The following USHBP1 variants were observed in gnomAD, a reference collection of about 807,000 sequenced individuals.
USHBP1 encodes USH1 protein network component harmonin binding protein 1, also known as harmonin-binding protein USHBP1.
USHBP1 carries 67 observed loss-of-function variants against 76.2 expected under a neutral mutation model. That is an observed-to-expected ratio of 0.88 (90% CI 0.72 to 1.08). The LOEUF (loss-of-function observed/expected upper bound fraction) is 1.08, where lower values mean the gene tolerates loss of function less well. Ranked by LOEUF, USHBP1 falls within the 50% of genes least tolerant of loss-of-function variation. USHBP1 has a pLI of 0.00. For synonymous variants in USHBP1, 322 were observed against 362.2 expected, an observed-to-expected ratio of 0.89 and a Z score of 1.26; for missense variants, 931 against 915.0, an observed-to-expected ratio of 1.02 and a Z score of -0.23.
At position 17,263,991 on chromosome 19, in the gene USHBP1, G is replaced by A; in HGVS notation, c.203+11C>T. 1 of 1,559,614 alleles carries A rather than the reference G, an allele frequency of 6.4e-7. No homozygotes were observed. The highest frequency in any genetic ancestry group is 8.7e-7 in the Non-Finnish European group (1 of 1,153,588). ...GACTGGAGTGAAGGGCACAGACCAAGCGGGTCTTACCTGCTTCCTAGGCCT... is the reference window on the plus strand; with the variant it reads ...GACTGGAGTGAAGGGCACAGACCAAACGGGTCTTACCTGCTTCCTAGGCCT... On this transcript the variant is annotated intron_variant, in intron 3 of 12. Coordinates refer to ENST00000252597, the MANE Select transcript of USHBP1 (RefSeq NM_031941.4).
chr19:17,264,133 C>G lies in USHBP1; in HGVS notation c.72G>C (p.Val24=). 1 of 1,613,790 alleles carries G rather than the reference C, an allele frequency of 6.2e-7. No homozygotes were observed. The highest frequency in any genetic ancestry group is 8.5e-7 in the Non-Finnish European group (1 of 1,179,762). ...RHAPPGELDP[V]AESSEEVEAA... ...CCTCGACCTCCTCTGAACTCTCAGC[C>G]ACGGGATCCAGTTCACCCTGCAAAT... Residue 24 remains valine (V), a synonymous_variant, in exon 3 of 13, where the codon GTG becomes GTC. Coordinates refer to ENST00000252597, the MANE Select transcript of USHBP1 (RefSeq NM_031941.4).
Position 17,255,473 on chromosome 19 carries a change from CG to C in USHBP1, c.1603del (p.Arg535GlyfsTer56). On this transcript the variant is annotated frameshift_variant, in exon 10 of 13. Transcript: ENST00000252597. LOFTEE classifies it high-confidence loss of function. ...TGCCCCACCAGCCTGGAGCTCTGCC[CG>C]TTCCCACCGCAGCTGCTCCAGCAGG... ...VLLLEQLRWE[R>X]AELQAGGANS... 1 of 1,614,052 alleles carries C rather than the reference CG, an allele frequency of 6.2e-7. No individual in the cohort carries two copies. Among genetic ancestry groups the C allele is most frequent in the Non-Finnish European group, 8.5e-7 (1 of 1,179,966 alleles).
In USHBP1 at chr19:17,258,245, A is replaced by G. The variant is rs1247338949; in HGVS notation, c.1187T>C (p.Met396Thr). 3 of 1,613,942 alleles carry G rather than the reference A, an allele frequency of 1.9e-6. No homozygotes were observed. Among genetic ancestry groups the G allele is most frequent in the Admixed American group, 3.3e-5 (2 of 59,990 alleles). Residue 396 changes from methionine to threonine, a missense_variant, in exon 8 of 13, where the codon ATG becomes ACG. Physicochemically the swap from Met to Thr is moderately conservative, Grantham distance 81. Coordinates refer to ENST00000252597, the MANE Select transcript of USHBP1 (RefSeq NM_031941.4). Reference sequence around the variant, plus strand: ...TGGATTCTGCTGTGCTCCTGCATCCATGGCAGCCTCCTCTTGTGCCAGCAG... The same window carrying G: ...TGGATTCTGCTGTGCTCCTGCATCCGTGGCAGCCTCCTCTTGTGCCAGCAG... Reference protein sequence around the residue: ...WRLLAQEEAAMDAGAQQNPQP... With the variant: ...WRLLAQEEAATDAGAQQNPQP...
At position 17,251,448 on chromosome 19, in the gene USHBP1, G is replaced by A; in HGVS notation, c.1922+134C>T. The A allele has an allele frequency of 4.0e-6, 5 of 1,247,166 alleles. No individual in the cohort carries two copies. The South Asian group carries it at 6.6e-5, about 17-fold the overall frequency. The allele number at this position is 1,247,166 out of a possible 1,614,324, so 77.3% of individuals were successfully genotyped here. A position where few individuals can be genotyped will look rare whatever the true frequency, so the allele number is the denominator to read the frequency against. ...CAACATGCTGGGATTACAGGTGTGAGCCACCACACCTGACCGTTACTGCCT... is the reference window on the plus strand; with the variant it reads ...CAACATGCTGGGATTACAGGTGTGAACCACCACACCTGACCGTTACTGCCT... On this transcript the variant is annotated intron_variant, in intron 12 of 12. Coordinates refer to ENST00000252597, the MANE Select transcript of USHBP1 (RefSeq NM_031941.4).
intron 6 of USHBP1, 50 bp from the exon 7 acceptor site, chr19:17,259,479 T>C: frequency 6.2e-7 from 1 of 1,610,764 alleles, no homozygotes; most frequent in Non-Finnish European, 8.5e-7. Flanking sequence ...TCTAAGGCAG[T>C]CAGGCCTCAA....
intron 12 of USHBP1, among the ~76,000 whole-genome samples, chr19:17,251,176 T>C (rs1353505190): frequency 1.3e-5 from 2 of 150,572 alleles, no homozygotes; most frequent in Admixed American, 6.6e-5. Context: ...GTTGTTTTTT[T>C]TTTTTTTTTT....
At chr19:17,251,554 G>C in intron 12 of USHBP1, 28 bp downstream of exon 12, 1 of 1,612,598 alleles carries the variant, frequency 6.2e-7, no homozygotes, top group Non-Finnish European at 8.5e-7. Flanking sequence ...GGTGCCAGGG[G>C]GATTGGGGGG....
At chr19:17,256,881 A>G (rs1249814056) in intron 8 of USHBP1, among the ~76,000 whole-genome samples, 161 bp from the exon 9 acceptor site, 2 of 152,036 alleles carry the variant, frequency 1.3e-5, no homozygotes, top group Non-Finnish European at 2.9e-5. Flanking sequence ...CCCACTAGGC[A>G]CCACCTTCCA....
intron 4 of USHBP1, among the ~76,000 whole-genome samples, chr19:17,261,093 C>T (rs1379011610): frequency 2.0e-5 from 3 of 152,090 alleles, no homozygotes; most frequent in Non-Finnish European, 4.4e-5. Context: ...TGCTCAAAAC[C>T]CTCCAGGGCT....
chr19:17,256,366 C>A (rs2073618716), intron 9 of USHBP1, 105 bp downstream of exon 9: 1 of 1,503,850 alleles, frequency 6.6e-7, no homozygotes, highest in African/African-American at 1.4e-5. Flanking sequence ...ACAATGCCTG[C>A]ACTCAGCCCA....
Position 17,259,664 on chromosome 19 carries a change from C to A in USHBP1, c.837G>T (p.Gly279=). 8 of 1,613,996 alleles carry A rather than the reference C, an allele frequency of 5.0e-6. No homozygotes were observed. The South Asian group carries it at 8.8e-5, about 18-fold the overall frequency. The change falls in exon 6 of 13, where the codon GGG becomes GGT. Residue 279 remains glycine (G), a synonymous_variant. Coordinates refer to ENST00000252597, the MANE Select transcript of USHBP1 (RefSeq NM_031941.4). ...LRSHSSTQIL[G]SLPNQPLSPE... Reference sequence around the variant, plus strand: ...GACTGAGGGGCTGGTTGGGAAGAGACCCAAGGATCTGGGTGCTGGAATGGC... The same window carrying A: ...GACTGAGGGGCTGGTTGGGAAGAGAACCAAGGATCTGGGTGCTGGAATGGC...
rs1271211327 is a variant in USHBP1 at position 17,255,434 on chromosome 19, C to A, written c.1643G>T (p.Gly548Val). Residue 548 changes from glycine (G) to valine (V), a missense_variant, in exon 10 of 13, where the codon GGA becomes GTA. Coordinates refer to ENST00000252597, the MANE Select transcript of USHBP1 (RefSeq NM_031941.4). ...LQAGGANSSG[G>V]HSSGGGSSGD... ...GCTGCTGCCACCTCCGCTGCTATGT[C>A]CGCCACTGCTGTTTGCCCCACCAGC... 9 of 1,614,076 alleles carry A rather than the reference C, an allele frequency of 5.6e-6. No homozygotes were observed. Among genetic ancestry groups the A allele is most frequent in the Non-Finnish European group, 6.8e-6 (8 of 1,180,024 alleles).
chr19:17,264,611 G>A (rs2073730916), intron 1 of USHBP1, 60 bp downstream of exon 1: 1 of 416,866 alleles, frequency 2.4e-6, no homozygotes, highest in South Asian at 3.2e-5. Flanking sequence ...CTGGGAATGC[G>A]ATCTCAAGAA....
At position 17,250,235 on chromosome 19, in the gene USHBP1, G is replaced by A; in HGVS notation, c.2102C>T (p.Thr701Ile). The A allele has an allele frequency of 1.2e-6, 2 of 1,609,312 alleles. No homozygotes were observed. The highest frequency in any genetic ancestry group is 1.7e-6 in the Non-Finnish European group (2 of 1,178,366). ...PPLPPPQLGD[T>I]FL is the part of the protein sequence containing the mutation. ...GGCTGGGTAAGGGGCCTACAGAAAGGTGTCCCCAAGCTGGGGAGGCGGGAG... is the reference window on the plus strand; with the variant it reads ...GGCTGGGTAAGGGGCCTACAGAAAGATGTCCCCAAGCTGGGGAGGCGGGAG... Residue 701 changes from threonine to isoleucine, a missense_variant, in exon 13 of 13, where the codon ACC (threonine) becomes ATC (isoleucine). Transcript: ENST00000252597.
chr19:17,255,751 A>G, intron 9 of USHBP1, 145 bp from the exon 10 acceptor site: 5 of 913,426 alleles, frequency 5.5e-6, no homozygotes, highest in Non-Finnish European at 8.1e-6. Flanking sequence ...CTGTAATCCC[A>G]GCACTTTGGG....
At position 17,262,607 on chromosome 19, in the gene USHBP1, C is replaced by G; in HGVS notation, c.587G>C (p.Arg196Pro). The G allele has an allele frequency of 6.2e-7, 1 of 1,613,604 alleles. No individual in the cohort carries two copies. Among genetic ancestry groups the G allele is most frequent in the Non-Finnish European group, 8.5e-7 (1 of 1,179,932 alleles). Residue 196 changes from arginine (R) to proline (P), a missense_variant, in exon 4 of 13, where the codon CGC (arginine) becomes CCC (proline). Arg to Pro is a moderately radical substitution (Grantham distance 103). Coordinates refer to ENST00000252597, the MANE Select transcript of USHBP1 (RefSeq NM_031941.4). ...ALSSREDELV[R>P]TQASLEAIRA... ...GATGGCCTCCAGGGAGGCCTGCGTG[C>G]GGACCAGCTCATCCTCTCGGCTACT...
chr19:17,264,232 A>T lies in USHBP1; in HGVS notation c.54+14T>A. The stretch of plus-strand genomic sequence containing the variant: ...CCCAGGATCTGGGTGTGGAGGGGAG[A>T]GGGTGACACTTACGGGTGGAGCATG... On this transcript the variant is annotated intron_variant, in intron 2 of 12. Coordinates refer to ENST00000252597, the MANE Select transcript of USHBP1 (RefSeq NM_031941.4). 1 of 1,613,780 alleles carries T rather than the reference A, an allele frequency of 6.2e-7. No homozygotes were observed. The highest frequency in any genetic ancestry group is 8.5e-7 in the Non-Finnish European group (1 of 1,179,882).
At chr19:17,251,775 C>A in intron 11 of USHBP1, 71 bp from the exon 12 acceptor site, 1 of 1,601,642 alleles carries the variant, frequency 6.2e-7, no homozygotes, top group Non-Finnish European at 8.5e-7. Flanking sequence ...CTCCTACCCA[C>A]CTGCCCACAG....
chr19:17,259,242 G>A, intron 7 of USHBP1, 47 bp downstream of exon 7: 1 of 1,556,110 alleles, frequency 6.4e-7, no homozygotes, highest in Non-Finnish European at 8.7e-7. Flanking sequence ...TCCTCAGAAA[G>A]CCCACTCCCT....
Sources: allele counts gnomAD v4.1 joint callset (sites outside exome capture counted in the v4.1 genomes callset), GRCh38; gene constraint gnomAD v4.1.1; transcripts MANE v1.5; gene names NCBI Gene and HGNC (gene_info 2026-07-23, HGNC 2026-07-21).